Variants in ST8SIA1 observed in about 807,000 individuals in gnomAD.
ST8SIA1 encodes the protein ST8 alpha-N-acetyl-neuraminide alpha-2,8-sialyltransferase 1.
A neutral mutation model predicts 35.9 loss-of-function variants in ST8SIA1; 16 were observed. The ratio of observed to expected loss-of-function variants is 0.45; its 90% CI spans 0.30 to 0.68. The LOEUF (loss-of-function observed/expected upper bound fraction) is 0.68. ST8SIA1 is among the 30% of genes least tolerant of loss of function. The pLI is 0.09. For missense variants in ST8SIA1, 383 were observed against 453.6 expected, an observed-to-expected ratio of 0.84 and a Z score of 1.41; for synonymous variants, 170 against 169.6, an observed-to-expected ratio of 1.00 and a Z score of -0.02.
chr12:22,234,183 C>G (rs1865449933), intron 4 of ST8SIA1, among the ~76,000 whole-genome samples: 1 of 151,466 alleles, frequency 6.6e-6, no homozygotes, highest in Admixed American at 6.6e-5. Flanking sequence ...TCACTTGAAC[C>G]CAGGAGGCAG....
In ST8SIA1 at chr12:22,208,084, G is replaced by A. The variant is rs193166032; in HGVS notation, c.585-6046C>T. ...GAACCCAGGAGGTGGAGGTTGCAGT[G>A]AGCCAAAATCGTGCCACTGCACTCC... On this transcript the variant is annotated intron_variant, in intron 4 of 4. Transcript: ENST00000396037. 4.8e-3 allele frequency among the ~76,000 whole-genome samples: 701 copies of A among 145,844 alleles called. 4 individuals carry two copies. Among genetic ancestry groups the A allele is most frequent in the Non-Finnish European group, 8.4e-3 (561 of 67,106 alleles).
intron 4 of ST8SIA1, among the ~76,000 whole-genome samples, chr12:22,204,674 C>A (rs1231203314): frequency 6.6e-6 from 1 of 152,092 alleles, no homozygotes; most frequent in African/African-American, 2.4e-5. Context: ...AGTAGTTTTC[C>A]CTTTCTGTGT....
intron 1 of ST8SIA1, among the ~76,000 whole-genome samples, chr12:22,317,669 T>A (rs1866537917): frequency 6.6e-6 from 1 of 152,216 alleles, no homozygotes; most frequent in African/African-American, 2.4e-5. Flanking sequence ...ACGAGGGCAC[T>A]CAAAATGGAA....
chr12:22,220,962 T>C (rs1480731714), intron 4 of ST8SIA1, among the ~76,000 whole-genome samples: 1 of 152,234 alleles, frequency 6.6e-6, no homozygotes, highest in Non-Finnish European at 1.5e-5. Flanking sequence ...ATCAGTACTT[T>C]TAGTGCTTTT....
At chr12:22,262,027 T>G (rs1037893011) in intron 2 of ST8SIA1, among the ~76,000 whole-genome samples, 1 of 152,202 alleles carries the variant, frequency 6.6e-6, no homozygotes, top group Non-Finnish European at 1.5e-5. Context: ...AAAATTTCTC[T>G]GAGGAATTAA....
chr12:22,300,023 T>A (rs1866299441), intron 1 of ST8SIA1, among the ~76,000 whole-genome samples: 1 of 152,206 alleles, frequency 6.6e-6, no homozygotes. Context: ...AAATTATTCC[T>A]ATGCCATTAT....
intron 2 of ST8SIA1, among the ~76,000 whole-genome samples, chr12:22,272,706 T>C (rs1488455698): frequency 2.6e-5 from 4 of 152,252 alleles, no homozygotes; most frequent in Admixed American, 1.3e-4. Context: ...GAATATTTGA[T>C]GGCTAAAAGA....
intron 2 of ST8SIA1, among the ~76,000 whole-genome samples, chr12:22,277,976 C>T (rs140145515): frequency 9.9e-5 from 15 of 152,248 alleles, no homozygotes; most frequent in African/African-American, 2.6e-4. Flanking sequence ...GGTGCAGAAC[C>T]GGATCTATTT....
intron 1 of ST8SIA1, among the ~76,000 whole-genome samples, chr12:22,330,944 A>G (rs1271289293): frequency 6.6e-6 from 1 of 152,224 alleles, no homozygotes; most frequent in African/African-American, 2.4e-5. Context: ...GAAAGTTTCT[A>G]TAATAGGATC....
At chr12:22,306,555 T>G (rs1480058162) in intron 1 of ST8SIA1, among the ~76,000 whole-genome samples, 1 of 152,204 alleles carries the variant, frequency 6.6e-6, no homozygotes, top group African/African-American at 2.4e-5. Flanking sequence ...TTTCTGACTT[T>G]CAGTGTTTCT....
chr12:22,207,622 G>GT (rs1865127573), intron 4 of ST8SIA1, among the ~76,000 whole-genome samples: 1 of 151,826 alleles, frequency 6.6e-6, no homozygotes, highest in Non-Finnish European at 1.5e-5. Flanking sequence ...TATTATTTTG[G>GT]TAAAAACAGA....
At chr12:22,286,975 A>T (rs1866107594) in intron 2 of ST8SIA1, among the ~76,000 whole-genome samples, 174 bp downstream of exon 2, 1 of 152,240 alleles carries the variant, frequency 6.6e-6, no homozygotes, top group Non-Finnish European at 1.5e-5. Flanking sequence ...CCCTTGCATC[A>T]AAACACTGTG....
chr12:22,241,081 C>A lies in ST8SIA1; in HGVS notation c.584+7925G>T, dbSNP rs113566061. On this transcript the variant is annotated intron_variant, in intron 4 of 4. Coordinates refer to ENST00000396037, the MANE Select transcript of ST8SIA1 (RefSeq NM_003034.4). ...AACCCTAACCCTAACCCTAACGCAA[C>A]CTTCTGGGCTCAAGCAATCCTCTCA... 2.8e-3 allele frequency among the ~76,000 whole-genome samples: 419 copies of A among 151,166 alleles called. 1 individual carries two copies. Among genetic ancestry groups the A allele is most frequent in the African/African-American group, 9.2e-3 (378 of 41,186 alleles).
intron 1 of ST8SIA1, among the ~76,000 whole-genome samples, chr12:22,316,663 G>A (rs1178742407): frequency 6.6e-6 from 1 of 152,002 alleles, no homozygotes; most frequent in Non-Finnish European, 1.5e-5. Context: ...AAACATAAAC[G>A]TAAGCAGTCA....
intron 1 of ST8SIA1, among the ~76,000 whole-genome samples, chr12:22,288,806 T>C (rs746002232): frequency 2.0e-5 from 3 of 152,206 alleles, no homozygotes; most frequent in Non-Finnish European, 2.9e-5. Flanking sequence ...CTCTTTCCTC[T>C]TCTTCTCCAC....
intron 2 of ST8SIA1, among the ~76,000 whole-genome samples, chr12:22,263,558 T>C (rs1188715813): frequency 1.5e-4 from 23 of 152,236 alleles, no homozygotes; most frequent in Non-Finnish European, 1.5e-5. Flanking sequence ...TGTGATACTC[T>C]TTTAGCTAAA....
intron 4 of ST8SIA1, among the ~76,000 whole-genome samples, chr12:22,220,065 G>C (rs1454228957): frequency 1.3e-5 from 2 of 152,120 alleles, no homozygotes; most frequent in Non-Finnish European, 2.9e-5. Context: ...TGAATGAAAA[G>C]GTTTGCATGG....
rs145613392 is a variant in ST8SIA1 at position 22,194,451 on chromosome 12, A to C, written c.*7101T>G. On this transcript the variant is annotated 3_prime_UTR_variant, in exon 5 of 5. Coordinates refer to ENST00000396037, the MANE Select transcript of ST8SIA1 (RefSeq NM_003034.4). ...GCTACATTTATAGGACTTCTTGATA[A>C]TAACGATACAACTTGGAACAGACAT... The C allele has an allele frequency of 3.3e-5, 5 of 152,342 alleles. No homozygotes were observed. Among genetic ancestry groups the C allele is most frequent in the African/African-American group, 1.2e-4 (5 of 41,578 alleles). The allele number at this position is 152,342 out of a possible 1,614,324, so 9.4% of individuals were successfully genotyped here.
rs1301848478 is a variant in ST8SIA1 at position 22,200,494 on chromosome 12, A to G, written c.*1058T>C. On this transcript the variant is annotated 3_prime_UTR_variant, in exon 5 of 5. Coordinates refer to ENST00000396037, the MANE Select transcript of ST8SIA1 (RefSeq NM_003034.4). ...AGTAAAAATGTATTCTTTTTTAGGT[A>G]ACTACTAAATAACAATAGCTCAAAA... 6.6e-6 allele frequency: 1 copy of G among 152,184 alleles called. No homozygotes were observed. The highest frequency in any genetic ancestry group is 1.5e-5 in the Non-Finnish European group (1 of 68,028). 9.4% of individuals were successfully genotyped at this position (152,184 alleles called of 1,614,324 possible). A position where few individuals can be genotyped will look rare whatever the true frequency, so the allele number is the denominator to read the frequency against.
Sources: gnomAD v4.1 joint callset for allele counts (sites outside exome capture counted in the v4.1 genomes callset) on GRCh38, gnomAD v4.1.1 for gene constraint, MANE v1.5 for transcripts, NCBI Gene and HGNC (gene_info 2026-07-23, HGNC 2026-07-21) for gene names.